The following CA13 variants were observed in gnomAD, a reference collection of about 807,000 sequenced individuals.
CA13 encodes carbonic anhydrase 13.
CA13 carries 21 observed loss-of-function variants against 31.5 expected under a neutral mutation model. The ratio of observed to expected loss-of-function variants is 0.67; its 90% CI spans 0.47 to 0.96. The LOEUF (loss-of-function observed/expected upper bound fraction) is 0.96. CA13 is among the 40% of genes least tolerant of loss of function. The pLI, the probability that CA13 is intolerant of heterozygous loss-of-function variation, is 0.00. For synonymous variants in CA13, 117 were observed against 111.4 expected (o/e 1.05, Z -0.32); for missense variants, 315 against 318.9 (o/e 0.99, Z 0.09).
rs563186606 is a variant in CA13 at position 85,258,944 on chromosome 8, A to T, written c.236-477A>T. On this transcript the variant is annotated intron_variant, in intron 2 of 6. Transcript: ENST00000321764. ...CTTGTCTCAAGGAAAAAAAAAAAAGAAGTTAGAGTTTGTTCAAGATCACAT... is the reference window on the plus strand; with the variant it reads ...CTTGTCTCAAGGAAAAAAAAAAAAGTAGTTAGAGTTTGTTCAAGATCACAT... 6.6e-5 allele frequency among the ~76,000 whole-genome samples: 10 copies of T among 151,746 alleles called. No homozygotes were observed. The South Asian group carries it at 2.1e-3, about 32-fold the overall frequency.
chr8:85,268,049 C>T lies in CA13; in HGVS notation c.513+85C>T, dbSNP rs60119253. 7 of 838,636 alleles carry T rather than the reference C, an allele frequency of 8.3e-6. No individual in the cohort carries two copies. In the South Asian group the frequency reaches 1.4e-4, roughly 16 times the overall value. 51.9% of individuals were successfully genotyped at this position (838,636 alleles called of 1,614,324 possible). On this transcript the variant is annotated intron_variant, in intron 5 of 6. Coordinates refer to ENST00000321764, the MANE Select transcript of CA13 (RefSeq NM_198584.3). ...CTTCCTTTAAAGACTTAGACATATG[C>T]TGCCTGCTTTGAAGTTTGCAACATA...
chr8:85,256,011 C>T (rs1807288842), intron 2 of CA13, among the ~76,000 whole-genome samples: 1 of 142,798 alleles, frequency 7.0e-6, no homozygotes, highest in Non-Finnish European at 1.5e-5. Flanking sequence ...GGTAGGTGCT[C>T]AATACATGTG....
intron 6 of CA13, among the ~76,000 whole-genome samples, chr8:85,269,232 G>T (rs911278128): frequency 5.3e-5 from 8 of 152,104 alleles, no homozygotes; most frequent in African/African-American, 1.7e-4. Context: ...TGGGTGGATC[G>T]CTTGAGCCCT....
intron 1 of CA13, among the ~76,000 whole-genome samples, chr8:85,247,562 T>C (rs1328571989): frequency 1.3e-5 from 2 of 152,026 alleles, no homozygotes; most frequent in African/African-American, 4.8e-5. Flanking sequence ...ACTAGGCAAG[T>C]TTTTTGTTTG....
chr8:85,268,677 CTTT>C (rs10712447), intron 6 of CA13, 50 bp downstream of exon 6: 16,530 of 953,196 alleles, frequency 0.017, no homozygotes, highest in South Asian at 0.025. Context: ...GGAAACTGGG[CTTT>C]TTTTTTTTTT....
rs964788215 is a variant in CA13, at chr8:85,282,200, A to G, written c.*851A>G. The G allele has an allele frequency of 6.6e-6, 1 of 152,458 alleles. No individual in the cohort carries two copies. The highest frequency in any genetic ancestry group is 2.4e-5 in the African/African-American group (1 of 41,450). 9.4% of individuals were successfully genotyped at this position (152,458 alleles called of 1,614,324 possible). ...CATGATACCTTTAATAAAATGAACAATATAAGAGTTAAGGGCAATGGGATA... is the reference window on the plus strand; with the variant it reads ...CATGATACCTTTAATAAAATGAACAGTATAAGAGTTAAGGGCAATGGGATA... On this transcript the variant is annotated 3_prime_UTR_variant, in exon 7 of 7. Coordinates refer to ENST00000321764, the MANE Select transcript of CA13 (RefSeq NM_198584.3).
chr8:85,263,253 C>T (rs1159415472), intron 3 of CA13, among the ~76,000 whole-genome samples: 1 of 152,136 alleles, frequency 6.6e-6, no homozygotes, highest in African/African-American at 2.4e-5. Context: ...CAGGCAGGGA[C>T]CATGCCACAT....
chr8:85,250,834 C>T lies in CA13; in HGVS notation c.132C>T (p.Ser44=), dbSNP rs1813813083. The change falls in exon 2 of 7, where the codon TCC becomes TCT. Residue 44 remains serine, a synonymous_variant. Coordinates refer to ENST00000321764, the MANE Select transcript of CA13 (RefSeq NM_198584.3). The stretch of plus-strand genomic sequence containing the variant: ...CCAAAGAAGTGAAATATGACTCTTC[C>T]CTCCGACCACTTAGTATCAAGTATG... The part of the protein sequence containing the change: ...IKTKEVKYDS[S]LRPLSIKYDP... The T allele has an allele frequency of 6.2e-7, 1 of 1,613,548 alleles. No individual in the cohort carries two copies. The highest frequency in any genetic ancestry group is 1.7e-5 in the Admixed American group (1 of 59,966).
rs1199387669 is a variant in CA13 at position 85,245,651 on chromosome 8, G to T, written c.-178G>T. ...AGCGGCGCGGGCGCCTTCCCCGCAC[G>T]CCTCTGCCGTCTGGAGGACGCAGGC... On this transcript the variant is annotated 5_prime_UTR_variant, in exon 1 of 7. Coordinates refer to ENST00000321764, the MANE Select transcript of CA13 (RefSeq NM_198584.3). 2 of 658,836 alleles carry T rather than the reference G, an allele frequency of 3.0e-6. No homozygotes were observed. Among genetic ancestry groups the T allele is most frequent in the Non-Finnish European group, 5.2e-6 (2 of 381,534 alleles). The allele number at this position is 658,836 out of a possible 1,614,324, so 40.8% of individuals were successfully genotyped here.
intron 6 of CA13, among the ~76,000 whole-genome samples, chr8:85,271,495 A>T (rs1315343041): frequency 6.6e-6 from 1 of 152,190 alleles, no homozygotes; most frequent in South Asian, 2.1e-4. Flanking sequence ...GTGAGCAGAT[A>T]AATGTACTAT....
intron 6 of CA13, among the ~76,000 whole-genome samples, chr8:85,279,416 A>G (rs933031729): frequency 6.6e-6 from 1 of 152,178 alleles, no homozygotes; most frequent in Non-Finnish European, 1.5e-5. Flanking sequence ...GGGTCGACCT[A>G]GCTGGGCCAA....
chr8:85,263,964 T>C (rs1807421682), intron 3 of CA13, among the ~76,000 whole-genome samples: 1 of 152,074 alleles, frequency 6.6e-6, no homozygotes, highest in Admixed American at 6.6e-5. Flanking sequence ...CGTTCCCTTG[T>C]GAGTAAAAAG....
Position 85,258,210 on chromosome 8 carries a change from A to G in CA13, c.236-1211A>G, listed in dbSNP as rs117952255. ...ACGCTTATGGTATATTTAGCTTCCAACGCTTCCTGATTCTCCCATATGCTT... is the reference window on the plus strand; with the variant it reads ...ACGCTTATGGTATATTTAGCTTCCAGCGCTTCCTGATTCTCCCATATGCTT... On this transcript the variant is annotated intron_variant, in intron 2 of 6. Coordinates refer to ENST00000321764, the MANE Select transcript of CA13 (RefSeq NM_198584.3). Among the ~76,000 whole-genome samples the G allele has an allele frequency of 4.9e-3, 750 of 151,842 alleles. 44 individuals carry two copies. The East Asian group carries it at 0.11, about 23-fold the overall frequency.
At chr8:85,253,561 C>T (rs985477017) in intron 2 of CA13, among the ~76,000 whole-genome samples, 1 of 152,170 alleles carries the variant, frequency 6.6e-6, no homozygotes, top group Non-Finnish European at 1.5e-5. Context: ...CTAAGTAGTA[C>T]ATTTTCATCA....
intron 6 of CA13, among the ~76,000 whole-genome samples, chr8:85,273,466 C>T (rs1475827834): frequency 6.6e-6 from 1 of 152,084 alleles, no homozygotes; most frequent in Non-Finnish European, 1.5e-5. Flanking sequence ...CTCCTGTAAT[C>T]CCACTGAAAG....
intron 2 of CA13, among the ~76,000 whole-genome samples, chr8:85,255,128 CT>C: frequency 6.6e-6 from 1 of 151,668 alleles, no homozygotes; most frequent in Non-Finnish European, 1.5e-5. Flanking sequence ...CTCTCTCATT[CT>C]TTCTTTCTTT....
At chr8:85,266,545 G>C in intron 3 of CA13, 63 bp from the exon 4 acceptor site, 2 of 1,236,302 alleles carry the variant, frequency 1.6e-6, no homozygotes, top group East Asian at 4.7e-5. Flanking sequence ...TGTTTTATTT[G>C]CATTTATGTT....
At chr8:85,279,592 G>A (rs1807667146) in intron 6 of CA13, among the ~76,000 whole-genome samples, 2 of 152,190 alleles carry the variant, frequency 1.3e-5, no homozygotes, top group African/African-American at 4.8e-5. Context: ...CCATGATCAA[G>A]TTCCAGAGGG....
At chr8:85,261,020 G>A (rs748467817) in intron 3 of CA13, among the ~76,000 whole-genome samples, 8 of 152,168 alleles carry the variant, frequency 5.3e-5, no homozygotes, top group Non-Finnish European at 1.0e-4. Context: ...CCTGACATAT[G>A]TCAGAGGCTC....
Sources: allele counts gnomAD v4.1 joint callset (sites outside exome capture counted in the v4.1 genomes callset), GRCh38; gene constraint gnomAD v4.1.1; transcripts MANE v1.5; gene names NCBI Gene and HGNC (gene_info 2026-07-23, HGNC 2026-07-21).